The following LRP1B variants were observed in gnomAD, a reference collection of about 807,000 sequenced individuals.
The protein encoded by LRP1B is LDL receptor related protein 1B.
In LRP1B, 217 loss-of-function variants were observed where a neutral mutation model predicts 556.6. That is an observed-to-expected ratio of 0.39 (90% confidence interval 0.35 to 0.44). The LOEUF is 0.44. LRP1B is among the 20% of genes least tolerant of loss of function. The pLI is 1.00. For synonymous variants in LRP1B, 2,047 were observed against 1,865.8 expected (o/e 1.10, Z -2.50); for missense variants, 5,053 against 5,620.8 (o/e 0.90, Z 3.23).
intron 23 of LRP1B, among the ~76,000 whole-genome samples, chr2:140,889,610 T>C (rs954901227): frequency 2.6e-5 from 4 of 152,190 alleles, no homozygotes; most frequent in Admixed American, 6.5e-5. Context: ...CTTAAACATT[T>C]ATAAATCCCA....
chr2:141,371,613 G>A (rs1689233701), intron 3 of LRP1B, among the ~76,000 whole-genome samples: 1 of 151,924 alleles, frequency 6.6e-6, no homozygotes, highest in African/African-American at 2.4e-5. Flanking sequence ...TATATTACAA[G>A]GTAATTTTTT....
At chr2:141,763,396 A>T (rs6711195) in intron 2 of LRP1B, among the ~76,000 whole-genome samples, 1 of 151,858 alleles carries the variant, frequency 6.6e-6, no homozygotes, top group Non-Finnish European at 1.5e-5. Context: ...ATATATTTTT[A>T]AAAGTTAGTA....
intron 6 of LRP1B, among the ~76,000 whole-genome samples, chr2:141,201,735 G>T (rs1682031269): frequency 3.9e-5 from 6 of 152,072 alleles, no homozygotes; most frequent in Non-Finnish European, 7.4e-5. Flanking sequence ...TAGAAATGGT[G>T]CATGTTTCCC....
Position 141,234,952 on chromosome 2 carries a change from A to G in LRP1B, c.593-5512T>C, listed in dbSNP as rs546552429. ...GAAATATTTTCTTTTTCAAAACATA[A>G]TGGTCACATTGATTTCTCCCTGTTT... On this transcript the variant is annotated intron_variant, in intron 5 of 90. Transcript: ENST00000389484. Among the ~76,000 whole-genome samples the G allele has an allele frequency of 1.8e-4, 27 of 152,240 alleles. No homozygotes were observed. In the South Asian group the frequency reaches 5.0e-3, roughly 28 times the overall value.
At chr2:140,386,723 A>G (rs573482872) in intron 66 of LRP1B, among the ~76,000 whole-genome samples, 1 of 152,350 alleles carries the variant, frequency 6.6e-6, no homozygotes, top group South Asian at 2.1e-4. Flanking sequence ...CACAGCCAAT[A>G]TAAAGGAAGT....
intron 1 of LRP1B, among the ~76,000 whole-genome samples, chr2:142,114,001 A>G (rs1707098193): frequency 6.6e-6 from 1 of 152,042 alleles, no homozygotes; most frequent in African/African-American, 2.4e-5. Flanking sequence ...GCCACCACCA[A>G]TTGGTCATGA....
intron 87 of LRP1B, among the ~76,000 whole-genome samples, chr2:140,243,346 C>T (rs1043658333): frequency 2.7e-5 from 4 of 150,654 alleles, no homozygotes; most frequent in African/African-American, 9.7e-5. Context: ...AAAATAATGT[C>T]AAAAGGAAGA....
At chr2:140,785,651 C>T (rs139614946) in intron 32 of LRP1B, among the ~76,000 whole-genome samples, 31 of 152,160 alleles carry the variant, frequency 2.0e-4, no homozygotes, top group East Asian at 1.7e-3. Context: ...CCCCCTATAC[C>T]GCCCCAACAG....
chr2:141,442,928 C>T (rs1179745156), intron 3 of LRP1B, among the ~76,000 whole-genome samples: 1 of 152,046 alleles, frequency 6.6e-6, no homozygotes. Flanking sequence ...GATTTATAAT[C>T]TTTAGGTATA....
intron 1 of LRP1B, among the ~76,000 whole-genome samples, chr2:141,863,092 C>A (rs1462504021): frequency 1.3e-5 from 2 of 152,124 alleles, no homozygotes. Context: ...TGTCCTATTG[C>A]CCACTGGATG....
intron 1 of LRP1B, among the ~76,000 whole-genome samples, chr2:141,905,180 G>C (rs1345668428): frequency 6.6e-6 from 1 of 151,794 alleles, no homozygotes; most frequent in Admixed American, 6.6e-5. Flanking sequence ...GTGCTTAGAG[G>C]GTAATTGCTG....
At chr2:140,963,814 G>C (rs549215065) in intron 18 of LRP1B, among the ~76,000 whole-genome samples, 2 of 152,270 alleles carry the variant, frequency 1.3e-5, no homozygotes, top group East Asian at 1.9e-4. Context: ...AAAATTAGCT[G>C]GGCGTGGTGG....
At chr2:141,120,315 C>T (rs975852457) in intron 7 of LRP1B, among the ~76,000 whole-genome samples, 1 of 151,826 alleles carries the variant, frequency 6.6e-6, no homozygotes, top group Non-Finnish European at 1.5e-5. Context: ...GATGATGTGA[C>T]TTTTGTCTAT....
At chr2:140,324,959 G>A (rs1558802510) in intron 80 of LRP1B, among the ~76,000 whole-genome samples, 1 of 147,178 alleles carries the variant, frequency 6.8e-6, no homozygotes, top group African/African-American at 2.5e-5. Context: ...TGATTTAGTT[G>A]TTTTTCTTTT....
At chr2:141,219,092 TCTC>T (rs1189112630) in intron 6 of LRP1B, among the ~76,000 whole-genome samples, 2 of 152,072 alleles carry the variant, frequency 1.3e-5, no homozygotes, top group Non-Finnish European at 2.9e-5. Context: ...GATCAGGAGA[TCTC>T]CTTGTGAGTC....
chr2:141,535,491 C>T (rs1313493000), intron 2 of LRP1B, among the ~76,000 whole-genome samples: 2 of 151,596 alleles, frequency 1.3e-5, no homozygotes, highest in Non-Finnish European at 2.9e-5. Context: ...GCTTTTTCTA[C>T]CCAAGAGAAC....
At chr2:141,447,022 C>T (rs541656050) in intron 3 of LRP1B, among the ~76,000 whole-genome samples, 10 of 152,142 alleles carry the variant, frequency 6.6e-5, no homozygotes, top group Admixed American at 2.0e-4. Flanking sequence ...AACTTGGTTC[C>T]GTTCTTCCAT....
chr2:140,846,764 G>T (rs1401395413), intron 29 of LRP1B, among the ~76,000 whole-genome samples: 1 of 152,050 alleles, frequency 6.6e-6, no homozygotes. Context: ...CACAGTGCAA[G>T]AAGAGAAAGG....
intron 31 of LRP1B, among the ~76,000 whole-genome samples, chr2:140,833,527 C>T (rs1344945117): frequency 6.6e-6 from 1 of 152,090 alleles, no homozygotes; most frequent in Admixed American, 6.6e-5. Context: ...TGTTTTGGGT[C>T]TTTATTTAGA....
Sources: gnomAD v4.1 joint callset for allele counts (sites outside exome capture counted in the v4.1 genomes callset) on GRCh38, gnomAD v4.1.1 for gene constraint, MANE v1.5 for transcripts, NCBI Gene and HGNC (gene_info 2026-07-23, HGNC 2026-07-21) for gene names.